TMEM200A: variants seen among roughly 807,000 people sequenced by gnomAD.
TMEM200A encodes the protein two transmembrane C.
In TMEM200A, 12 loss-of-function variants were observed where a neutral mutation model predicts 24.3. The ratio of observed to expected loss-of-function variants is 0.49; its 90% CI spans 0.32 to 0.80. TMEM200A has a LOEUF of 0.80. TMEM200A is among the 30% of genes least tolerant of loss of function. The pLI, the probability that TMEM200A is intolerant of heterozygous loss-of-function variation, is 0.04. For synonymous variants in TMEM200A, 224 were observed against 224.4 expected (o/e 1.00, Z 0.02); for missense variants, 545 against 614.4 (o/e 0.89, Z 1.19).
chr6:130,394,349 A>G (rs368076222), intron 2 of TMEM200A, among the ~76,000 whole-genome samples: 157 of 152,308 alleles, frequency 1.0e-3, no homozygotes, highest in African/African-American at 3.4e-3. Context: ...TCGCACCCAC[A>G]GAAGGGAATA....
chr6:130,370,535 T>C (rs1778296271), intron 1 of TMEM200A, among the ~76,000 whole-genome samples: 1 of 152,186 alleles, frequency 6.6e-6, no homozygotes, highest in Admixed American at 6.5e-5. Flanking sequence ...AATTCCTTCC[T>C]TTTTTGGGAC....
chr6:130,389,816 C>T (rs527763079), intron 2 of TMEM200A, among the ~76,000 whole-genome samples: 14 of 152,290 alleles, frequency 9.2e-5, no homozygotes, highest in Admixed American at 9.2e-4. Flanking sequence ...GTTGTGCTAA[C>T]TAAGGGACTC....
chr6:130,371,111 A>G (rs1189530128), intron 1 of TMEM200A, among the ~76,000 whole-genome samples: 1 of 152,230 alleles, frequency 6.6e-6, no homozygotes, highest in Non-Finnish European at 1.5e-5. Flanking sequence ...CTTTGTTGAC[A>G]GAAGCATTTG....
At chr6:130,382,295 T>C (rs1040007788) in intron 1 of TMEM200A, among the ~76,000 whole-genome samples, 2 of 152,166 alleles carry the variant, frequency 1.3e-5, no homozygotes, top group African/African-American at 4.8e-5. Context: ...GTTGTTCCCT[T>C]CCCTTTCGGC....
intron 2 of TMEM200A, among the ~76,000 whole-genome samples, chr6:130,385,771 T>C (rs1778698326): frequency 6.6e-6 from 1 of 152,202 alleles, no homozygotes; most frequent in African/African-American, 2.4e-5. Context: ...CATTAACCAT[T>C]TCATGATGCT....
intron 2 of TMEM200A, among the ~76,000 whole-genome samples, chr6:130,407,022 C>T (rs562704463): frequency 5.6e-4 from 85 of 152,132 alleles, no homozygotes; most frequent in African/African-American, 1.9e-3. Flanking sequence ...TGGTTTTGAG[C>T]GCATTGTACC....
At chr6:130,406,585 G>A (rs1031236554) in intron 2 of TMEM200A, among the ~76,000 whole-genome samples, 3 of 151,978 alleles carry the variant, frequency 2.0e-5, no homozygotes, top group Non-Finnish European at 1.5e-5. Flanking sequence ...TCTCTTATCC[G>A]GTTCCCATTT....
chr6:130,398,034 A>G (rs961299885), intron 2 of TMEM200A, among the ~76,000 whole-genome samples: 7 of 151,824 alleles, frequency 4.6e-5, no homozygotes, highest in African/African-American at 1.5e-4. Flanking sequence ...GGTAAATTCC[A>G]TGTTGCTAAG....
chr6:130,429,367 C>A (rs529738974), intron 2 of TMEM200A, among the ~76,000 whole-genome samples: 1 of 152,084 alleles, frequency 6.6e-6, no homozygotes, highest in Non-Finnish European at 1.5e-5. Flanking sequence ...ACTAAAAATA[C>A]AAAAATTAGC....
chr6:130,423,571 C>A (rs1779654865), intron 2 of TMEM200A, among the ~76,000 whole-genome samples: 1 of 152,028 alleles, frequency 6.6e-6, no homozygotes, highest in South Asian at 2.1e-4. Flanking sequence ...AACAAAAAAC[C>A]TTTTGTTAAT....
intron 2 of TMEM200A, among the ~76,000 whole-genome samples, chr6:130,386,415 T>C (rs972903107): frequency 1.3e-5 from 2 of 152,178 alleles, no homozygotes; most frequent in African/African-American, 2.4e-5. Flanking sequence ...AGATGCACCT[T>C]TTATAAGCTA....
chr6:130,435,593 A>C (rs1333616243), intron 2 of TMEM200A, among the ~76,000 whole-genome samples: 1 of 152,172 alleles, frequency 6.6e-6, no homozygotes, highest in Non-Finnish European at 1.5e-5. Context: ...TACTTTCTTC[A>C]ATTACGATTT....
At chr6:130,399,178 A>T (rs1779025333) in intron 2 of TMEM200A, among the ~76,000 whole-genome samples, 1 of 151,866 alleles carries the variant, frequency 6.6e-6, no homozygotes. Context: ...GTTCCTTTGT[A>T]TTTAACCTTT....
chr6:130,389,904 T>G (rs997186280), intron 2 of TMEM200A, among the ~76,000 whole-genome samples: 10 of 152,216 alleles, frequency 6.6e-5, no homozygotes, highest in African/African-American at 2.2e-4. Flanking sequence ...CAGTTCTTTG[T>G]TAATATATTT....
Position 130,400,959 on chromosome 6 carries a change from C to T in TMEM200A, c.-17+15723C>T, listed in dbSNP as rs538992385. Among the ~76,000 whole-genome samples the T allele has an allele frequency of 1.4e-3, 216 of 152,088 alleles. 1 individual carries two copies. The highest frequency in any genetic ancestry group is 4.9e-3 in the African/African-American group (202 of 41,524). On this transcript the variant is annotated intron_variant, in intron 2 of 2. Coordinates refer to ENST00000296978, the MANE Select transcript of TMEM200A (RefSeq NM_001258277.2). Reference sequence around the variant, plus strand: ...AAAATTTAGTCATTAAGTGATGGACCTTACATCTAGGTCTGAAATTTCCAT... The same window carrying T: ...AAAATTTAGTCATTAAGTGATGGACTTTACATCTAGGTCTGAAATTTCCAT...
intron 2 of TMEM200A, among the ~76,000 whole-genome samples, chr6:130,405,239 C>T (rs1779178406): frequency 6.6e-6 from 1 of 152,056 alleles, no homozygotes; most frequent in African/African-American, 2.4e-5. Context: ...CTGTAAATTG[C>T]TTTGGGCAGT....
intron 2 of TMEM200A, among the ~76,000 whole-genome samples, 174 bp from the exon 3 acceptor site, chr6:130,440,233 A>G (rs56404846): frequency 0.063 from 9,649 of 152,254 alleles, 1,026 homozygotes; most frequent in African/African-American, 0.22. Flanking sequence ...ACATTAGTCA[A>G]TAAATAAAAT....
At chr6:130,406,453 C>T (rs1302497041) in intron 2 of TMEM200A, among the ~76,000 whole-genome samples, 1 of 152,100 alleles carries the variant, frequency 6.6e-6, no homozygotes, top group African/African-American at 2.4e-5. Flanking sequence ...CTTGTTTAGT[C>T]TCACATATTT....
rs531663964 is a variant in TMEM200A at position 130,391,135 on chromosome 6, C to T, written c.-17+5899C>T. Among the ~76,000 whole-genome samples the T allele has an allele frequency of 3.3e-5, 5 of 152,084 alleles. No individual in the cohort carries two copies. The East Asian group carries it at 9.6e-4, about 29-fold the overall frequency. On this transcript the variant is annotated intron_variant, in intron 2 of 2. Transcript: ENST00000296978. ...GCCCCTTCTCACCAGACTGCCAGCC[C>T]CTAGAGGGTAGTGTGATGTCTTTCT... is the stretch of plus-strand genomic sequence containing the variant.
Sources: gnomAD v4.1 joint callset for allele counts (sites outside exome capture counted in the v4.1 genomes callset) on GRCh38, gnomAD v4.1.1 for gene constraint, MANE v1.5 for transcripts, NCBI Gene and HGNC (gene_info 2026-07-23, HGNC 2026-07-21) for gene names.